Variants in TSGA10 observed in about 807,000 individuals in gnomAD.
TSGA10 encodes testis specific 10.
Under a neutral mutation model 96.6 loss-of-function variants are expected in TSGA10, and 43 were observed. The ratio of observed to expected loss-of-function variants is 0.44; its 90% CI spans 0.35 to 0.57. The LOEUF is 0.57. Among genes scored for constraint, TSGA10 ranks in the 20% least tolerant of loss-of-function variants. TSGA10 has a pLI of 0.01. For synonymous variants in TSGA10, 229 were observed against 269.9 expected, an observed-to-expected ratio of 0.85 and a Z score of 1.48; for missense variants, 703 against 834.4, an observed-to-expected ratio of 0.84 and a Z score of 1.94.
At chr2:99,116,637 T>C (rs570132570) in intron 4 of TSGA10, among the ~76,000 whole-genome samples, 4 of 151,966 alleles carry the variant, frequency 2.6e-5, no homozygotes, top group Non-Finnish European at 5.9e-5. Flanking sequence ...TCTGTAGTTC[T>C]TGAGGTGAAA....
Position 99,037,039 on chromosome 2 carries a change from T to C in TSGA10, c.1405-1600A>G, listed in dbSNP as rs2081693935. On this transcript the variant is annotated intron_variant, in intron 16 of 20. Transcript: ENST00000393483. Reference sequence around the variant, plus strand: ...TATCTACTATTCTAGATTACTATTATAGATTATTATTGGAGAATGCAACAC... The same window carrying C: ...TATCTACTATTCTAGATTACTATTACAGATTATTATTGGAGAATGCAACAC... 2.6e-5 allele frequency among the ~76,000 whole-genome samples: 4 copies of C among 152,308 alleles called. No individual in the cohort carries two copies. The South Asian group carries it at 6.2e-4, about 24-fold the overall frequency.
intron 10 of TSGA10, chr2:99,101,907 G>A (rs1262522904): frequency 1.6e-6 from 1 of 608,542 alleles, no homozygotes. Flanking sequence ...AGGGAGTGCT[G>A]TTCAAAGGAT....
At chr2:99,125,875 C>T (rs922426732) in intron 2 of TSGA10, 1 of 152,246 alleles carries the variant, frequency 6.6e-6, no homozygotes, top group African/African-American at 2.4e-5. Context: ...CTACGTGTCC[C>T]CCACTGACAC....
At chr2:99,143,766 T>G (rs2093602482) in intron 1 of TSGA10, among the ~76,000 whole-genome samples, 1 of 152,096 alleles carries the variant, frequency 6.6e-6, no homozygotes, top group African/African-American at 2.4e-5. Flanking sequence ...CCACTGTGCC[T>G]GGCCCAGGCT....
chr2:99,051,145 C>G (rs780213190), intron 16 of TSGA10, among the ~76,000 whole-genome samples: 13 of 152,070 alleles, frequency 8.5e-5, no homozygotes, highest in African/African-American at 1.2e-4. Context: ...AGACACATGA[C>G]TGTATATCAA....
At chr2:99,085,609 T>TAAAAAAAAAAAAA (rs200309936) in intron 10 of TSGA10, among the ~76,000 whole-genome samples, 1,204 of 52,156 alleles carry the variant, frequency 0.023, 69 homozygotes, top group African/African-American at 0.036. Context: ...ATCCTGTCTT[T>TAAAAAAAAAAAAA]AAAAAAAAAA....
chr2:99,000,705 C>T (rs369466441), intron 20 of TSGA10, among the ~76,000 whole-genome samples: 3 of 152,254 alleles, frequency 2.0e-5, no homozygotes, highest in South Asian at 2.1e-4. Context: ...GGCAGGGCAT[C>T]GCCTCACCTG....
At chr2:99,045,587 T>C (rs778092053) in intron 16 of TSGA10, among the ~76,000 whole-genome samples, 1 of 152,238 alleles carries the variant, frequency 6.6e-6, no homozygotes, top group African/African-American at 2.4e-5. Context: ...AAGGAAGCAC[T>C]AAACATGGAA....
At chr2:99,086,864 G>A (rs1356861795) in intron 10 of TSGA10, among the ~76,000 whole-genome samples, 4 of 151,718 alleles carry the variant, frequency 2.6e-5, no homozygotes, top group Admixed American at 2.6e-4. Flanking sequence ...GAGGCTAGAT[G>A]TTCAAGACCA....
intron 15 of TSGA10, 97 bp from the exon 16 acceptor site, chr2:99,065,221 A>G: frequency 7.5e-7 from 1 of 1,333,066 alleles, no homozygotes; most frequent in Non-Finnish European, 1.0e-6. Flanking sequence ...TTGCCATGAG[A>G]AGCGTTTATA....
chr2:99,062,749 C>T (rs1386804026), intron 16 of TSGA10, among the ~76,000 whole-genome samples: 1 of 152,000 alleles, frequency 6.6e-6, no homozygotes, highest in African/African-American at 2.4e-5. Flanking sequence ...AACAGACAAA[C>T]AAACTTTAGT....
intron 17 of TSGA10, among the ~76,000 whole-genome samples, chr2:99,029,957 T>C (rs2080984569): frequency 6.6e-6 from 1 of 152,252 alleles, no homozygotes; most frequent in Non-Finnish European, 1.5e-5. Context: ...ATATAGTGGT[T>C]GTTTACCTAG....
chr2:99,154,875 CAGGCGGAGAGACTA>C lies in TSGA10; in HGVS notation c.-817_-804del. 5.6e-6 allele frequency: 2 copies of C among 359,206 alleles called. No homozygotes were observed. The highest frequency in any genetic ancestry group is 1.1e-5 in the Non-Finnish European group (2 of 179,988). The allele number at this position is 359,206 out of a possible 1,614,324, so 22.3% of individuals were successfully genotyped here. On this transcript the variant is annotated 5_prime_UTR_variant, in exon 1 of 21. Coordinates refer to ENST00000393483, the MANE Select transcript of TSGA10 (RefSeq NM_025244.4). Reference sequence around the variant, plus strand: ...GGGCTGCCGGGACCCCACGGCTCCGCAGGCGGAGAGACTAGGCGCGATCCCTGCGCGCCCCTCCT... The same window carrying C: ...GGGCTGCCGGGACCCCACGGCTCCGCGGCGCGATCCCTGCGCGCCCCTCCT...
At chr2:99,004,042 C>T (rs1316303055) in intron 20 of TSGA10, among the ~76,000 whole-genome samples, 2 of 151,790 alleles carry the variant, frequency 1.3e-5, no homozygotes, top group African/African-American at 4.8e-5. Context: ...AAAATTGACA[C>T]ACCACTAGCA....
At chr2:99,075,283 G>A (rs1004118875) in intron 12 of TSGA10, among the ~76,000 whole-genome samples, 2 of 152,030 alleles carry the variant, frequency 1.3e-5, no homozygotes, top group Admixed American at 6.5e-5. Flanking sequence ...AACCTCATAT[G>A]TTGTCCAACT....
Position 99,064,920 on chromosome 2 carries a change from C to T in TSGA10, c.1404+19G>A, listed in dbSNP as rs369274434. On this transcript the variant is annotated intron_variant, in intron 16 of 20. Transcript: ENST00000393483. ...AATATGATGCAGGATGTATTATAAG[C>T]ATATTTTTCCAAACTTACTTGCTCA... The T allele has an allele frequency of 8.3e-5, 129 of 1,556,264 alleles. No individual in the cohort carries two copies. Among genetic ancestry groups the T allele is most frequent in the Non-Finnish European group, 1.1e-4 (123 of 1,154,616 alleles).
At chr2:99,072,030 C>T (rs1404618833) in intron 13 of TSGA10, among the ~76,000 whole-genome samples, 156 bp from the exon 14 acceptor site, 1 of 152,178 alleles carries the variant, frequency 6.6e-6, no homozygotes, top group Non-Finnish European at 1.5e-5. Flanking sequence ...AAAGACAGTG[C>T]ATTAGAGTTT....
chr2:99,141,287 G>A (rs2093541094), intron 1 of TSGA10: 1 of 568,858 alleles, frequency 1.8e-6, no homozygotes, highest in South Asian at 2.2e-5. Flanking sequence ...GCGGGAAGGA[G>A]GAGGGGGCGG....
chr2:99,034,169 T>G (rs1288634708), intron 17 of TSGA10, among the ~76,000 whole-genome samples: 1 of 151,976 alleles, frequency 6.6e-6, no homozygotes, highest in East Asian at 1.9e-4. Context: ...ACTTCAAATC[T>G]CCATACATTC....
Sources: gnomAD v4.1 joint callset for allele counts (sites outside exome capture counted in the v4.1 genomes callset) on GRCh38, gnomAD v4.1.1 for gene constraint, MANE v1.5 for transcripts, NCBI Gene and HGNC (gene_info 2026-07-23, HGNC 2026-07-21) for gene names.